The following ADAMTS17 variants were observed in gnomAD, a reference collection of about 807,000 sequenced individuals.
ADAMTS17 encodes the protein ADAM metallopeptidase with thrombospondin type 1 motif 17, also known as A disintegrin and metalloproteinase with thrombospondin motifs 17.
ADAMTS17 carries 113 observed loss-of-function variants against 141.5 expected under a neutral mutation model. That is an observed-to-expected ratio of 0.80 (90% CI 0.69 to 0.93). ADAMTS17 has a LOEUF of 0.93. Ranked by LOEUF, ADAMTS17 falls within the 40% of genes least tolerant of loss-of-function variation. The pLI is 0.00. For synonymous variants in ADAMTS17, 768 were observed against 630.6 expected, an observed-to-expected ratio of 1.22 and a Z score of -3.27; for missense variants, 1,659 against 1,517.9, an observed-to-expected ratio of 1.09 and a Z score of -1.54.
At chr15:100,171,812 G>A (rs2040171159) in intron 8 of ADAMTS17, among the ~76,000 whole-genome samples, 1 of 152,054 alleles carries the variant, frequency 6.6e-6, no homozygotes, top group African/African-American at 2.4e-5. Context: ...GGAACCAACG[G>A]ACCCAACAAA....
intron 2 of ADAMTS17, among the ~76,000 whole-genome samples, chr15:100,333,668 G>A (rs924118648): frequency 2.0e-5 from 3 of 152,346 alleles, no homozygotes; most frequent in South Asian, 2.1e-4. Context: ...ACGACTGCGC[G>A]TGGCCCCAAA....
At chr15:100,187,627 A>G (rs914824087) in intron 8 of ADAMTS17, among the ~76,000 whole-genome samples, 3 of 152,174 alleles carry the variant, frequency 2.0e-5, no homozygotes, top group African/African-American at 7.2e-5. Context: ...GGGTAATAAT[A>G]TAACAAATGT....
chr15:100,197,074 T>C (rs1446839638), intron 8 of ADAMTS17, among the ~76,000 whole-genome samples: 1 of 152,196 alleles, frequency 6.6e-6, no homozygotes, highest in Non-Finnish European at 1.5e-5. Flanking sequence ...AATCTAACCA[T>C]TCATCTTTGC....
intron 7 of ADAMTS17, among the ~76,000 whole-genome samples, chr15:100,235,023 C>T (rs577544052): frequency 3.0e-4 from 46 of 152,240 alleles, no homozygotes; most frequent in South Asian, 2.3e-3. Flanking sequence ...ATTATGTTCA[C>T]GGAATAAAAC....
intron 7 of ADAMTS17, among the ~76,000 whole-genome samples, chr15:100,221,812 T>C (rs746428470): frequency 6.6e-6 from 1 of 152,224 alleles, no homozygotes; most frequent in African/African-American, 2.4e-5. Context: ...CTTCTGCTCC[T>C]CTTAACAGGG....
rs1456845529 is a variant in ADAMTS17, at chr15:99,993,063, A to G, written c.2934T>C (p.Thr978=). The change falls in exon 20 of 22, where the codon ACT becomes ACC. Residue 978 remains threonine, a synonymous_variant. Coordinates refer to ENST00000268070, the MANE Select transcript of ADAMTS17 (RefSeq NM_139057.4). The surrounding 1 kb of genome is among the most constrained non-coding windows in gnomAD (Gnocchi z 4.3). The stretch of plus-strand genomic sequence containing the variant: ...CTGCTCTCACCGTAGACCAGTCCCC[A>G]GTTTTCCACTCGTAGCAGCCTGAGT... ...EDYSGCYEWK[T]GDWSTCSSTC... 1 of 1,614,066 alleles carries G rather than the reference A, an allele frequency of 6.2e-7. No homozygotes were observed. The highest frequency in any genetic ancestry group is 1.1e-5 in the South Asian group (1 of 91,070).
chr15:100,184,912 A>G (rs569061066), intron 8 of ADAMTS17, among the ~76,000 whole-genome samples: 71 of 152,026 alleles, frequency 4.7e-4, no homozygotes, highest in Non-Finnish European at 7.9e-4. Flanking sequence ...TCCCGGCCCC[A>G]TGGCTTTTGT....
chr15:100,132,149 A>C lies in ADAMTS17; in HGVS notation c.1579T>G (p.Cys527Gly), dbSNP rs2038084197. 1 of 1,613,344 alleles carries C rather than the reference A, an allele frequency of 6.2e-7. No homozygotes were observed. The highest frequency in any genetic ancestry group is 1.1e-5 in the South Asian group (1 of 90,964). The change falls in exon 12 of 22, where the codon TGC (cysteine) becomes GGC (glycine). Residue 527 changes from cysteine to glycine, a missense_variant. Coordinates refer to ENST00000268070, the MANE Select transcript of ADAMTS17 (RefSeq NM_139057.4). ...TTGCTCACGCACTCCCCCGCGCGGC[A>C]CCACTGAAACACAGCGGGGAGGGTC... The part of the protein sequence containing the change: ...DGTECGADKW[C>G]RAGECVSKTP...
intron 7 of ADAMTS17, among the ~76,000 whole-genome samples, chr15:100,227,229 C>A (rs971858407): frequency 6.6e-6 from 1 of 152,180 alleles, no homozygotes; most frequent in African/African-American, 2.4e-5. Context: ...TAAAGTCAAA[C>A]CTCTGACTCA....
At chr15:100,124,241 T>C (rs537231484) in intron 12 of ADAMTS17, among the ~76,000 whole-genome samples, 3 of 152,314 alleles carry the variant, frequency 2.0e-5, no homozygotes, top group South Asian at 2.1e-4. Context: ...GCTGGGATTA[T>C]AGGCATGAGC....
intron 17 of ADAMTS17, among the ~76,000 whole-genome samples, chr15:100,050,557 C>T (rs376597613): frequency 6.6e-6 from 1 of 152,176 alleles, no homozygotes; most frequent in Non-Finnish European, 1.5e-5. Flanking sequence ...CCAAGATGCC[C>T]AGGAAGAAAC....
intron 8 of ADAMTS17, among the ~76,000 whole-genome samples, chr15:100,172,134 G>T (rs1596181149): frequency 6.6e-6 from 1 of 152,284 alleles, no homozygotes; most frequent in East Asian, 1.9e-4. Context: ...TTAATACCAG[G>T]AAGGATCCAG....
intron 3 of ADAMTS17, among the ~76,000 whole-genome samples, chr15:100,312,340 G>A (rs2045432361): frequency 6.6e-6 from 1 of 152,180 alleles, no homozygotes; most frequent in Admixed American, 6.5e-5. Context: ...AAGAGGCCAT[G>A]AGCCAAGGAA....
At position 100,308,527 on chromosome 15, in the gene ADAMTS17, C is replaced by T. The variant is rs142896784; in HGVS notation, c.616+22362G>A. ...GAACAGCTTCCTTTTTTTGCTATTG[C>T]TAAATGCTTTCCCTTTTTAGGTAGT... On this transcript the variant is annotated intron_variant, in intron 3 of 21. Transcript: ENST00000268070. Among the ~76,000 whole-genome samples the T allele has an allele frequency of 7.1e-3, 1,076 of 152,272 alleles. 9 individuals carry two copies. The highest frequency in any genetic ancestry group is 0.024 in the African/African-American group (1,016 of 41,560).
At chr15:99,986,413 C>A (rs2060587107) in intron 20 of ADAMTS17, among the ~76,000 whole-genome samples, 3 of 152,158 alleles carry the variant, frequency 2.0e-5, no homozygotes, top group Non-Finnish European at 1.5e-5. Context: ...TCCTAGGGCT[C>A]AGAGCACACA....
chr15:100,139,089 A>G (rs2038489974), intron 10 of ADAMTS17, among the ~76,000 whole-genome samples: 2 of 152,150 alleles, frequency 1.3e-5, no homozygotes, highest in Non-Finnish European at 2.9e-5. Context: ...AAAAAGGGCG[A>G]AACAGAAAAG....
chr15:100,191,341 G>A (rs2040910057), intron 8 of ADAMTS17, among the ~76,000 whole-genome samples: 4 of 152,374 alleles, frequency 2.6e-5, no homozygotes, highest in Admixed American at 2.6e-4. Flanking sequence ...CTGAGCTCCA[G>A]CCAACAGCTG....
intron 8 of ADAMTS17, among the ~76,000 whole-genome samples, chr15:100,161,393 G>A (rs192743944): frequency 8.2e-4 from 125 of 152,166 alleles, no homozygotes; most frequent in African/African-American, 2.9e-3. Context: ...TCACCTCAAA[G>A]TAGTCTTGGC....
intron 3 of ADAMTS17, among the ~76,000 whole-genome samples, chr15:100,297,182 G>A (rs576404519): frequency 9.2e-5 from 14 of 152,236 alleles, no homozygotes; most frequent in African/African-American, 3.4e-4. Context: ...AGGGCCCAGG[G>A]GTGGAAGAAA....
Sources: gnomAD v4.1 joint callset for allele counts (sites outside exome capture counted in the v4.1 genomes callset) on GRCh38, gnomAD v4.1.1 for gene constraint, Gnocchi (gnomAD v3.1) non-coding constraint, MANE v1.5 for transcripts, NCBI Gene and HGNC (gene_info 2026-07-23, HGNC 2026-07-21) for gene names.